The following ADCY8 variants were observed in gnomAD, a reference collection of about 807,000 sequenced individuals.
ADCY8 encodes the protein adenylate cyclase 8.
In ADCY8, 51 loss-of-function variants were observed where a neutral mutation model predicts 119.7. The ratio of observed to expected loss-of-function variants is 0.43; its 90% CI spans 0.34 to 0.54. The LOEUF is 0.54. Among genes scored for constraint, ADCY8 ranks in the 20% least tolerant of loss-of-function variants. The probability of loss-of-function intolerance (pLI) is 0.03; values close to 1 mark genes in which losing one functional copy is unlikely to be tolerated. For missense variants in ADCY8, 1,383 were observed against 1,598.8 expected (o/e 0.87, Z 2.30); for synonymous variants, 665 against 651.0 (o/e 1.02, Z -0.33).
At chr8:130,800,668 A>G (rs1278426358) in intron 14 of ADCY8, 96 bp from the exon 15 acceptor site, 1 of 1,335,464 alleles carries the variant, frequency 7.5e-7, no homozygotes, top group African/African-American at 1.5e-5. Flanking sequence ...ACACGTGCAC[A>G]GTCACCCACA....
chr8:130,863,761 T>C (rs1057309852), intron 9 of ADCY8, among the ~76,000 whole-genome samples: 5 of 152,170 alleles, frequency 3.3e-5, no homozygotes, highest in Non-Finnish European at 5.9e-5. Context: ...ATTCCTTCCT[T>C]ATGTCCCTTG....
At chr8:130,815,697 T>G (rs904297117) in intron 13 of ADCY8, among the ~76,000 whole-genome samples, 2 of 152,222 alleles carry the variant, frequency 1.3e-5, no homozygotes, top group Non-Finnish European at 2.9e-5. Flanking sequence ...AGTGAAAGGA[T>G]TACAGATTTA....
chr8:130,888,487 G>A (rs1819070159), intron 7 of ADCY8, among the ~76,000 whole-genome samples: 1 of 152,094 alleles, frequency 6.6e-6, no homozygotes, highest in Admixed American at 6.6e-5. Flanking sequence ...TCATGACTGA[G>A]TTTTTTCCCA....
At chr8:130,975,422 G>A (rs1328912049) in intron 2 of ADCY8, among the ~76,000 whole-genome samples, 3 of 152,122 alleles carry the variant, frequency 2.0e-5, no homozygotes, top group African/African-American at 7.2e-5. Flanking sequence ...TCACCATCCT[G>A]AAGAACACAC....
chr8:131,023,215 C>T (rs1025582692), intron 1 of ADCY8, among the ~76,000 whole-genome samples: 5 of 152,288 alleles, frequency 3.3e-5, no homozygotes, highest in East Asian at 1.9e-4. Context: ...ATATCACAGC[C>T]ATTGCCCTGT....
intron 1 of ADCY8, among the ~76,000 whole-genome samples, chr8:131,019,147 G>T (rs1823572164): frequency 6.6e-6 from 1 of 152,164 alleles, no homozygotes; most frequent in South Asian, 2.1e-4. Context: ...TGATGAGCTG[G>T]TGTATATTAG....
intron 5 of ADCY8, among the ~76,000 whole-genome samples, chr8:130,923,256 G>T (rs541519185): frequency 6.6e-6 from 1 of 151,594 alleles, no homozygotes; most frequent in African/African-American, 2.4e-5. Flanking sequence ...AGTGACGAAG[G>T]GAAGGAAGGA....
intron 2 of ADCY8, among the ~76,000 whole-genome samples, chr8:130,975,722 G>T (rs968080001): frequency 6.6e-6 from 1 of 152,166 alleles, no homozygotes; most frequent in Non-Finnish European, 1.5e-5. Context: ...TGCAAAGCTG[G>T]TGTTCCAAAC....
At chr8:130,788,654 G>T (rs978460974) in intron 15 of ADCY8, among the ~76,000 whole-genome samples, 1 of 152,022 alleles carries the variant, frequency 6.6e-6, no homozygotes, top group Non-Finnish European at 1.5e-5. Context: ...ACAAATAAAT[G>T]ATAAATATTC....
chr8:130,785,237 A>C, intron 16 of ADCY8, 146 bp downstream of exon 16: 1 of 482,074 alleles, frequency 2.1e-6, no homozygotes. Context: ...GCAAATCCAC[A>C]TCACGTAACT....
intron 12 of ADCY8, among the ~76,000 whole-genome samples, chr8:130,834,389 T>A (rs1048463210): frequency 6.6e-6 from 1 of 152,140 alleles, no homozygotes; most frequent in African/African-American, 2.4e-5. Context: ...ACAAATATTT[T>A]AAAAATCTAA....
chr8:131,019,136 A>G (rs79366913), intron 1 of ADCY8, among the ~76,000 whole-genome samples: 3,289 of 152,316 alleles, frequency 0.022, 140 homozygotes, highest in African/African-American at 0.073. Flanking sequence ...ATTAATGAAA[A>G]TGATGAGCTG....
chr8:131,019,823 C>CTGTCTG (rs1261328094), intron 1 of ADCY8, among the ~76,000 whole-genome samples: 13 of 126,290 alleles, frequency 1.0e-4, no homozygotes, highest in African/African-American at 4.3e-4. Flanking sequence ...CTCTCTCTCT[C>CTGTCTG]TCTCTCTCTC....
intron 12 of ADCY8, 24 bp downstream of exon 12, chr8:130,836,253 G>T: frequency 6.3e-7 from 1 of 1,595,814 alleles, no homozygotes; most frequent in South Asian, 1.1e-5. Context: ...AGCACACTTT[G>T]GACTCACGGT....
At position 131,019,843 on chromosome 8, in the gene ADCY8, G is replaced by GTCTCTCTC. The variant is rs71306306; in HGVS notation, c.960+19523_960+19530dup. Among the ~76,000 whole-genome samples the GTCTCTCTC allele has an allele frequency of 3.8e-3, 326 of 86,876 alleles. 5 individuals are homozygous for GTCTCTCTC. Among genetic ancestry groups the GTCTCTCTC allele is most frequent in the South Asian group, 0.017 (33 of 1,992 alleles). 57.0% of individuals were successfully genotyped at this position (86,876 alleles called of 152,430 possible). ...TCTCTCTCTCTCTCTCTCTCTGTCT[G>GTCTCTCTC]TCTCTCTCTCTCTCTCTCTCTCTCT... On this transcript the variant is annotated intron_variant, in intron 1 of 17. Coordinates refer to ENST00000286355, the MANE Select transcript of ADCY8 (RefSeq NM_001115.3).
intron 7 of ADCY8, among the ~76,000 whole-genome samples, chr8:130,893,657 G>GGTGTGTGT (rs113157821): frequency 9.2e-4 from 137 of 148,994 alleles, no homozygotes; most frequent in African/African-American, 2.3e-3. Flanking sequence ...GGGAGAAGAA[G>GGTGTGTGT]GTGTGTGTGT....
At chr8:130,937,031 C>T in intron 5 of ADCY8, 42 bp downstream of exon 5, 2 of 1,579,524 alleles carry the variant, frequency 1.3e-6, no homozygotes, top group Non-Finnish European at 1.7e-6. Context: ...TGTGATCGTG[C>T]ACATTGAAGA....
intron 1 of ADCY8, among the ~76,000 whole-genome samples, chr8:131,028,112 T>G (rs1297909436): frequency 6.6e-6 from 1 of 152,194 alleles, no homozygotes; most frequent in Non-Finnish European, 1.5e-5. Context: ...TATCCTTCTT[T>G]TAGACATGAA....
chr8:131,032,147 C>T (rs935467591), intron 1 of ADCY8, among the ~76,000 whole-genome samples: 1 of 152,130 alleles, frequency 6.6e-6, no homozygotes, highest in South Asian at 2.1e-4. Context: ...ATGGAAACGG[C>T]AGTTGTAAAA....
Sources: allele counts gnomAD v4.1 joint callset (sites outside exome capture counted in the v4.1 genomes callset), GRCh38; gene constraint gnomAD v4.1.1; transcripts MANE v1.5; gene names NCBI Gene and HGNC (gene_info 2026-07-23, HGNC 2026-07-21).